KLF12: variants seen among roughly 807,000 people sequenced by gnomAD.
KLF12 encodes the protein KLF transcription factor 12.
A neutral mutation model predicts 37.8 loss-of-function variants in KLF12; 9 were observed. The ratio of observed to expected loss-of-function variants is 0.24; its 90% CI spans 0.14 to 0.42. KLF12 has a LOEUF of 0.42. Ranked by LOEUF, KLF12 falls within the 10% of genes least tolerant of loss-of-function variation. KLF12 has a pLI of 1.00. For missense variants in KLF12, 411 were observed against 516.0 expected, an observed-to-expected ratio of 0.80 and a Z score of 1.97; for synonymous variants, 208 against 202.1, an observed-to-expected ratio of 1.03 and a Z score of -0.25.
At chr13:74,090,975 C>T (rs543959421) in intron 1 of KLF12, among the ~76,000 whole-genome samples, 3 of 149,614 alleles carry the variant, frequency 2.0e-5, no homozygotes, top group South Asian at 2.1e-4. Flanking sequence ...TCTTCCATTT[C>T]GAAACTTACT....
chr13:74,135,024 G>A (rs1028354465), upstream of KLF12, among the ~76,000 whole-genome samples: 7 of 151,556 alleles, frequency 4.6e-5, no homozygotes, highest in African/African-American at 1.5e-4. Context: ...GGGTCAGGCA[G>A]GGGCAGCCCC....
chr13:73,748,789 T>C (rs190173958), intron 6 of KLF12, among the ~76,000 whole-genome samples: 238 of 152,296 alleles, frequency 1.6e-3, no homozygotes, highest in African/African-American at 5.5e-3. Context: ...AGTGAAGAGT[T>C]TGATGATTTG....
the KLF12 span, among the ~76,000 whole-genome samples, chr13:74,253,228 G>T: frequency 6.6e-6 from 1 of 152,114 alleles, no homozygotes. Context: ...AAAAAGTATA[G>T]TCTTAACATT....
At chr13:73,965,115 G>A (rs1190183886) in intron 2 of KLF12, among the ~76,000 whole-genome samples, 1 of 151,956 alleles carries the variant, frequency 6.6e-6, no homozygotes, top group Non-Finnish European at 1.5e-5. Context: ...TGTGACTCCA[G>A]ATACCATAAC....
At chr13:73,742,690 G>A (rs184354879) in intron 6 of KLF12, among the ~76,000 whole-genome samples, 18 of 152,144 alleles carry the variant, frequency 1.2e-4, no homozygotes, top group Non-Finnish European at 2.2e-4. Context: ...TTTTACAGAT[G>A]AGTAAAATAG....
intron 5 of KLF12, among the ~76,000 whole-genome samples, chr13:73,797,999 T>G (rs1882088007): frequency 6.6e-6 from 1 of 152,150 alleles, no homozygotes; most frequent in Admixed American, 6.5e-5. Context: ...TATAATCCCT[T>G]TAAACCATTA....
At chr13:74,027,912 C>T (rs543488844) in intron 1 of KLF12, among the ~76,000 whole-genome samples, 2 of 152,272 alleles carry the variant, frequency 1.3e-5, no homozygotes, top group East Asian at 3.9e-4. Context: ...CAAATTATTT[C>T]ATCACGATTA....
At chr13:73,779,278 G>A (rs994240812) in intron 5 of KLF12, among the ~76,000 whole-genome samples, 4 of 152,146 alleles carry the variant, frequency 2.6e-5, no homozygotes, top group Non-Finnish European at 5.9e-5. Flanking sequence ...CTCCTCACCA[G>A]AAACAGGGTT....
intron 1 of KLF12, among the ~76,000 whole-genome samples, chr13:74,079,481 C>G (rs1358140139): frequency 6.6e-6 from 1 of 152,180 alleles, no homozygotes; most frequent in African/African-American, 2.4e-5. Flanking sequence ...AACTCTCGAT[C>G]TGGAAAGGAC....
intron 3 of KLF12, among the ~76,000 whole-genome samples, chr13:73,858,741 A>G (rs1251306926): frequency 2.6e-5 from 4 of 152,212 alleles, no homozygotes; most frequent in Non-Finnish European, 5.9e-5. Context: ...ACTTTTTAAA[A>G]GTGAACTACA....
intron 6 of KLF12, among the ~76,000 whole-genome samples, chr13:73,718,854 A>G (rs1876012456): frequency 6.6e-6 from 1 of 152,202 alleles, no homozygotes; most frequent in Non-Finnish European, 1.5e-5. Flanking sequence ...AGATCATGCC[A>G]CTGCACTCCA....
At chr13:73,966,525 G>C (rs1891175690) in intron 2 of KLF12, among the ~76,000 whole-genome samples, 1 of 152,190 alleles carries the variant, frequency 6.6e-6, no homozygotes, top group Non-Finnish European at 1.5e-5. Context: ...TTGGGGATTT[G>C]TAAGAAAAGG....
chr13:73,806,116 C>CTT lies in KLF12; in HGVS notation c.806+7034_806+7035dup, dbSNP rs372137417. ...TGCCCTGCCAGTTTTTTTTTTCTTT[C>CTT]TTTTTTTTTTTTTGAGATAAAGTCT... On this transcript the variant is annotated intron_variant, in intron 5 of 7. Transcript: ENST00000377669. Among the ~76,000 whole-genome samples the CTT allele has an allele frequency of 2.1e-3, 286 of 139,090 alleles. 3 individuals are homozygous for CTT. The highest frequency in any genetic ancestry group is 4.9e-3 in the African/African-American group (182 of 37,320). The allele number at this position is 139,090 out of a possible 152,430, so 91.2% of individuals were successfully genotyped here.
chr13:73,947,389 T>G (rs997509914), intron 2 of KLF12, among the ~76,000 whole-genome samples: 1 of 152,128 alleles, frequency 6.6e-6, no homozygotes, highest in African/African-American at 2.4e-5. Flanking sequence ...GGTGGCTCAC[T>G]CTTGTAATCA....
intron 1 of KLF12, among the ~76,000 whole-genome samples, chr13:74,112,694 C>G (rs1210734244): frequency 6.6e-6 from 1 of 152,142 alleles, no homozygotes; most frequent in Non-Finnish European, 1.5e-5. Context: ...ACTGGCAATT[C>G]CTTCATCTCT....
chr13:74,070,013 G>C (rs1481779488), intron 1 of KLF12, among the ~76,000 whole-genome samples: 1 of 152,150 alleles, frequency 6.6e-6, no homozygotes, highest in Non-Finnish European at 1.5e-5. Context: ...GAGAGGTGAA[G>C]AGATCTATTT....
chr13:74,038,099 T>C (rs1376196942), intron 1 of KLF12, among the ~76,000 whole-genome samples: 1 of 152,152 alleles, frequency 6.6e-6, no homozygotes, highest in Non-Finnish European at 1.5e-5. Flanking sequence ...GCATGTAAAG[T>C]CAGTGATCCT....
At chr13:73,731,155 A>T (rs1437866242) in intron 6 of KLF12, among the ~76,000 whole-genome samples, 2 of 152,134 alleles carry the variant, frequency 1.3e-5, no homozygotes, top group Non-Finnish European at 2.9e-5. Context: ...AGTTCTTGGT[A>T]ACTGATTGGA....
At chr13:74,100,763 G>T (rs1231841031) in intron 1 of KLF12, among the ~76,000 whole-genome samples, 1 of 152,114 alleles carries the variant, frequency 6.6e-6, no homozygotes, top group Non-Finnish European at 1.5e-5. Context: ...ATCATTAAAT[G>T]ATACTCCAAA....
Sources: allele counts gnomAD v4.1 joint callset (sites outside exome capture counted in the v4.1 genomes callset), GRCh38; gene constraint gnomAD v4.1.1; transcripts MANE v1.5; gene names NCBI Gene and HGNC (gene_info 2026-07-23, HGNC 2026-07-21).